Variants in KIF16B observed in about 807,000 individuals in gnomAD.
KIF16B encodes the protein kinesin family member 16B, also known as kinesin-like protein KIF16B.
A neutral mutation model predicts 156.3 loss-of-function variants in KIF16B; 98 were observed. The ratio of observed to expected loss-of-function variants is 0.63; its 90% CI spans 0.53 to 0.74. The LOEUF (loss-of-function observed/expected upper bound fraction) is 0.74, where lower values mean the gene tolerates loss of function less well. Among genes scored for constraint, KIF16B ranks in the 30% least tolerant of loss-of-function variants. The pLI is 0.00. For missense variants in KIF16B, 1,421 were observed against 1,606.5 expected (o/e 0.88, Z 1.97); for synonymous variants, 564 against 583.7 (o/e 0.97, Z 0.49).
At chr20:16,413,949 T>C (rs2066023278) in intron 15 of KIF16B, among the ~76,000 whole-genome samples, 2 of 152,094 alleles carry the variant, frequency 1.3e-5, no homozygotes, top group South Asian at 4.1e-4. Flanking sequence ...AGAAACTTGC[T>C]TGTGTGTGAC....
At chr20:16,479,294 G>A (rs1359729896) in intron 12 of KIF16B, among the ~76,000 whole-genome samples, 1 of 152,166 alleles carries the variant, frequency 6.6e-6, no homozygotes, top group Admixed American at 6.5e-5. Context: ...TTACAAGTGG[G>A]AGTTGAACAA....
chr20:16,509,725 G>A (rs2068899082), intron 6 of KIF16B, among the ~76,000 whole-genome samples: 1 of 152,072 alleles, frequency 6.6e-6, no homozygotes, highest in African/African-American at 2.4e-5. Context: ...TTAGTCCTTT[G>A]TCTAAAACTT....
intron 12 of KIF16B, among the ~76,000 whole-genome samples, chr20:16,493,272 A>C (rs953747978): frequency 1.3e-5 from 2 of 152,222 alleles, no homozygotes; most frequent in Non-Finnish European, 2.9e-5. Context: ...CACCTGGTCA[A>C]GCCAAGTTGC....
rs371692460 is a variant in KIF16B at position 16,428,938 on chromosome 20, G to C, written c.1474+15C>G. ...AAAAAATCATTGGGAACAGATCACT[G>C]ATAAATATGCTCACCAATATCTTGC... On this transcript the variant is annotated intron_variant, in intron 14 of 25. Coordinates refer to ENST00000354981, the MANE Select transcript of KIF16B (RefSeq NM_024704.5). 1.1e-5 allele frequency: 18 copies of C among 1,608,934 alleles called. No individual in the cohort carries two copies. The African/African-American group carries it at 1.7e-4, about 16-fold the overall frequency.
At chr20:16,368,980 A>G (rs1165965918) in intron 22 of KIF16B, 6 of 985,730 alleles carry the variant, frequency 6.1e-6, no homozygotes, top group Non-Finnish European at 7.2e-6. Flanking sequence ...GATTTTAGGT[A>G]GATTAAAACA....
intron 1 of KIF16B, among the ~76,000 whole-genome samples, chr20:16,559,523 G>T (rs551327142): frequency 2.0e-5 from 3 of 152,074 alleles, no homozygotes; most frequent in African/African-American, 7.2e-5. Context: ...ATCCCCACAT[G>T]CTGGGAAGGC....
chr20:16,322,695 T>G (rs17737959), intron 24 of KIF16B, among the ~76,000 whole-genome samples: 7,426 of 152,108 alleles, frequency 0.049, 226 homozygotes, highest in Non-Finnish European at 0.077. Context: ...CTAAGAGTTA[T>G]CAGGCTCAAA....
chr20:16,317,530 C>A (rs1022600258), intron 24 of KIF16B, among the ~76,000 whole-genome samples: 1 of 152,202 alleles, frequency 6.6e-6, no homozygotes, highest in East Asian at 1.9e-4. Flanking sequence ...TGGAGAGAGT[C>A]TCATGTTGAA....
intron 12 of KIF16B, among the ~76,000 whole-genome samples, chr20:16,432,739 C>T (rs942833342): frequency 3.3e-5 from 5 of 151,350 alleles, no homozygotes; most frequent in Non-Finnish European, 7.4e-5. Flanking sequence ...GAAGTAACAA[C>T]AACAACAAAA....
intron 19 of KIF16B, among the ~76,000 whole-genome samples, chr20:16,378,517 C>A (rs6135741): frequency 1.3e-5 from 2 of 152,078 alleles, no homozygotes; most frequent in Non-Finnish European, 2.9e-5. Flanking sequence ...TATTAAAACA[C>A]GCACATTCCA....
chr20:16,408,818 A>G (rs1165315804), intron 15 of KIF16B, among the ~76,000 whole-genome samples: 1 of 152,132 alleles, frequency 6.6e-6, no homozygotes, highest in Non-Finnish European at 1.5e-5. Flanking sequence ...AAAGGGGTCC[A>G]TTAAGGCTGG....
At chr20:16,309,463 C>T (rs183290563) in intron 25 of KIF16B, among the ~76,000 whole-genome samples, 12 of 152,214 alleles carry the variant, frequency 7.9e-5, no homozygotes, top group South Asian at 6.2e-4. Flanking sequence ...AAACATCTGA[C>T]GACAGTGAGA....
At chr20:16,307,070 G>C (rs535003149) in intron 25 of KIF16B, among the ~76,000 whole-genome samples, 1 of 152,338 alleles carries the variant, frequency 6.6e-6, no homozygotes, top group South Asian at 2.1e-4. Flanking sequence ...AATGGGGACA[G>C]AAGAGGTAGA....
intron 4 of KIF16B, among the ~76,000 whole-genome samples, chr20:16,513,245 A>T (rs1393047331): frequency 2.0e-5 from 3 of 151,588 alleles, no homozygotes; most frequent in Non-Finnish European, 3.0e-5. Flanking sequence ...TGTTAAAAAT[A>T]CATGCTCAAA....
At chr20:16,273,436 A>T in intron 25 of KIF16B, 25 bp from the exon 26 acceptor site, 1 of 1,612,572 alleles carries the variant, frequency 6.2e-7, no homozygotes, top group Non-Finnish European at 8.5e-7. Context: ...AGAGTTAAGA[A>T]CATGGTCAAT....
chr20:16,502,638 T>C (rs936694477), intron 10 of KIF16B, among the ~76,000 whole-genome samples: 1 of 152,170 alleles, frequency 6.6e-6, no homozygotes, highest in Non-Finnish European at 1.5e-5. Flanking sequence ...AAGGCAACTA[T>C]ATGGCATAAC....
chr20:16,323,019 A>T (rs945267784), intron 24 of KIF16B, among the ~76,000 whole-genome samples: 2 of 152,092 alleles, frequency 1.3e-5, no homozygotes, highest in Non-Finnish European at 2.9e-5. Flanking sequence ...GATTTTTAAC[A>T]ACTGAGCAGC....
intron 12 of KIF16B, among the ~76,000 whole-genome samples, chr20:16,449,407 T>G (rs78906766): frequency 0.075 from 11,410 of 152,272 alleles, 437 homozygotes; most frequent in African/African-American, 0.092. Flanking sequence ...CATAAGAAAG[T>G]GACTTTCACA....
chr20:16,357,285 A>G (rs2064462317), intron 22 of KIF16B, among the ~76,000 whole-genome samples: 1 of 152,210 alleles, frequency 6.6e-6, no homozygotes, highest in Non-Finnish European at 1.5e-5. Context: ...ACCAGTTTAC[A>G]TGAATTGGCT....
Sources: allele counts gnomAD v4.1 joint callset (sites outside exome capture counted in the v4.1 genomes callset), GRCh38; gene constraint gnomAD v4.1.1; transcripts MANE v1.5; gene names NCBI Gene and HGNC (gene_info 2026-07-23, HGNC 2026-07-21).